Variants in FREM1 observed in about 807,000 individuals in gnomAD.
FREM1 encodes FRAS1-related extracellular matrix protein 1.
A neutral mutation model predicts 210.1 loss-of-function variants in FREM1; 220 were observed. That is an observed-to-expected ratio of 1.05 (90% CI 0.94 to 1.17). The LOEUF is 1.17. FREM1 is among the 50% of genes most tolerant of loss of function. FREM1 has a pLI of 0.00. For missense variants in FREM1, 3,454 were observed against 2,675.5 expected (o/e 1.29, Z -6.42); for synonymous variants, 1,189 against 980.2 (o/e 1.21, Z -3.98).
At chr9:14,835,850 G>C (rs1337169198) in intron 10 of FREM1, among the ~76,000 whole-genome samples, 1 of 152,104 alleles carries the variant, frequency 6.6e-6, no homozygotes, top group East Asian at 1.9e-4. Flanking sequence ...GAAAAATTTT[G>C]CTCCAAAACT....
rs1419382535 is a variant in FREM1, at chr9:14,860,904, CAT to C, written c.330-1422_330-1421del. On this transcript the variant is annotated intron_variant, in intron 3 of 36. Transcript: ENST00000380880. ...ATATACACATATATACATATATACA[CAT>C]ATACACATATACACATATATACACA... Among the ~76,000 whole-genome samples, 2 of 74,200 alleles carry C rather than the reference CAT, an allele frequency of 2.7e-5. 1 individual carries two copies. The highest frequency in any genetic ancestry group is 4.4e-5 in the Non-Finnish European group (2 of 45,148). The allele number at this position is 74,200 out of a possible 152,430, so 48.7% of individuals were successfully genotyped here.
At chr9:14,757,694 C>A (rs981434280) in intron 28 of FREM1, among the ~76,000 whole-genome samples, 2 of 152,126 alleles carry the variant, frequency 1.3e-5, no homozygotes, top group Non-Finnish European at 2.9e-5. Flanking sequence ...TATTTCTGTA[C>A]CTTCTGACAA....
At chr9:14,889,388 G>A (rs1432549910) in intron 1 of FREM1, among the ~76,000 whole-genome samples, 1 of 152,170 alleles carries the variant, frequency 6.6e-6, no homozygotes, top group Non-Finnish European at 1.5e-5. Context: ...TATGTGGAAG[G>A]TTTAGTTTTT....
intron 26 of FREM1, 49 bp downstream of exon 26, chr9:14,770,556 C>T: frequency 7.1e-7 from 1 of 1,405,098 alleles, no homozygotes; most frequent in Non-Finnish European, 1.0e-6. Flanking sequence ...GCCCTGCCAG[C>T]CACTGGGTAT....
At chr9:14,862,267 TG>T (rs1326631111) in intron 3 of FREM1, among the ~76,000 whole-genome samples, 2 of 152,232 alleles carry the variant, frequency 1.3e-5, no homozygotes, top group African/African-American at 4.8e-5. Flanking sequence ...CTGTAATAGG[TG>T]GTCATAAATG....
chr9:14,825,023 G>C, intron 10 of FREM1, 31 bp from the exon 11 acceptor site: 2 of 1,477,430 alleles, frequency 1.4e-6, no homozygotes, highest in Non-Finnish European at 1.8e-6. Context: ...CCATTAATTT[G>C]AAATACCAAA....
chr9:14,746,587 A>T, intron 34 of FREM1, 119 bp from the exon 35 acceptor site: 1 of 753,118 alleles, frequency 1.3e-6, no homozygotes, highest in Non-Finnish European at 2.3e-6. Context: ...CCACAAAGGG[A>T]GTCAGCCCTA....
chr9:14,766,432 A>G (rs2132404150), intron 27 of FREM1, among the ~76,000 whole-genome samples: 1 of 152,252 alleles, frequency 6.6e-6, no homozygotes, highest in South Asian at 2.1e-4. Flanking sequence ...TTTGCTGCGT[A>G]GGCTTCATTT....
At chr9:14,739,561 TAATA>T (rs1187377288) in intron 36 of FREM1, among the ~76,000 whole-genome samples, 1 of 147,344 alleles carries the variant, frequency 6.8e-6, no homozygotes, top group African/African-American at 2.5e-5. Context: ...TATACAAATA[TAATA>T]TATATTTATA....
At chr9:14,876,050 G>T (rs992128697) in intron 1 of FREM1, among the ~76,000 whole-genome samples, 15 of 152,104 alleles carry the variant, frequency 9.9e-5, no homozygotes, top group African/African-American at 3.6e-4. Flanking sequence ...TGTCTCAGAG[G>T]AGTACCCGGC....
At chr9:14,797,448 T>G in intron 21 of FREM1, 50 bp downstream of exon 21, 1 of 1,501,358 alleles carries the variant, frequency 6.7e-7, no homozygotes, top group Non-Finnish European at 9.0e-7. Flanking sequence ...TATTGTAGAT[T>G]TCATAGAATT....
At chr9:14,798,702 C>T (rs944686996) in intron 20 of FREM1, among the ~76,000 whole-genome samples, 1 of 152,020 alleles carries the variant, frequency 6.6e-6, no homozygotes, top group Admixed American at 6.5e-5. Context: ...GTGACAGAGT[C>T]TCACTCTGTC....
chr9:14,802,446 T>C (rs545562686), intron 19 of FREM1, among the ~76,000 whole-genome samples: 122 of 152,370 alleles, frequency 8.0e-4, no homozygotes, highest in Middle Eastern at 6.8e-3. Context: ...TGCATAATTA[T>C]GTATATTTTC....
intron 17 of FREM1, among the ~76,000 whole-genome samples, chr9:14,807,542 T>C (rs1472851173): frequency 1.3e-5 from 2 of 152,190 alleles, no homozygotes; most frequent in African/African-American, 4.8e-5. Flanking sequence ...ATACTCACTC[T>C]GTTCTAATAG....
At position 14,810,283 on chromosome 9, in the gene FREM1, AT is replaced by A. The variant is rs145760892; in HGVS notation, c.2894-2150del. On this transcript the variant is annotated intron_variant, in intron 16 of 36. Transcript: ENST00000380880. ...GCAAATTGCAAATTGAGTAACCACA[AT>A]TTCTCTATAATGGAAGCATAGGATA... is the stretch of plus-strand genomic sequence containing the variant. Among the ~76,000 whole-genome samples the A allele has an allele frequency of 8.6e-3, 1,303 of 152,278 alleles. 18 individuals are homozygous for A. Among genetic ancestry groups the A allele is most frequent in the African/African-American group, 0.029 (1,205 of 41,546 alleles).
chr9:14,750,332 G>A, intron 29 of FREM1, 56 bp from the exon 30 acceptor site: 1 of 1,391,780 alleles, frequency 7.2e-7, no homozygotes, highest in Non-Finnish European at 1.0e-6. Flanking sequence ...TCACCTAGGT[G>A]TCAGAGAAAT....
intron 1 of FREM1, among the ~76,000 whole-genome samples, chr9:14,871,327 A>G (rs1832632557): frequency 6.6e-6 from 1 of 152,066 alleles, no homozygotes; most frequent in African/African-American, 2.4e-5. Flanking sequence ...TTGTTTCCTG[A>G]CTTTTTAGTG....
chr9:14,770,692 C>T lies in FREM1; in HGVS notation c.4972G>A (p.Ala1658Thr), dbSNP rs573984451. 1.2e-6 allele frequency: 2 copies of T among 1,613,188 alleles called. No individual in the cohort carries two copies. The highest frequency in any genetic ancestry group is 1.3e-5 in the African/African-American group (1 of 74,876). Residue 1658 changes from alanine to threonine, a missense_variant, in exon 26 of 37, where the codon GCA becomes ACA. Coordinates refer to ENST00000380880, the MANE Select transcript of FREM1 (RefSeq NM_001379081.2). Reference protein sequence around the residue: ...GIYITSRVLKASDPDTEDDQI... With the variant: ...GIYITSRVLKTSDPDTEDDQI... Reference sequence around the variant, plus strand: ...TCGTCCTCAGTGTCAGGGTCTGATGCCTTCAACACGCGGGAAGTGATGTAA... The same window carrying T: ...TCGTCCTCAGTGTCAGGGTCTGATGTCTTCAACACGCGGGAAGTGATGTAA...
At chr9:14,832,756 T>A (rs1182109638) in intron 10 of FREM1, among the ~76,000 whole-genome samples, 1 of 152,176 alleles carries the variant, frequency 6.6e-6, no homozygotes, top group Non-Finnish European at 1.5e-5. Context: ...CTTCTCTCCC[T>A]GTGCAAACCT....
Sources: gnomAD v4.1 joint callset for allele counts (sites outside exome capture counted in the v4.1 genomes callset) on GRCh38, gnomAD v4.1.1 for gene constraint, MANE v1.5 for transcripts, NCBI Gene and HGNC (gene_info 2026-07-23, HGNC 2026-07-21) for gene names.